Variants in CHD9 observed in about 807,000 individuals in gnomAD.
CHD9 encodes chromodomain helicase DNA binding protein 9.
Under a neutral mutation model 316.1 loss-of-function variants are expected in CHD9, and 77 were observed. That is an observed-to-expected ratio of 0.24 (90% CI 0.20 to 0.29). CHD9 has a LOEUF of 0.29. CHD9 is among the 10% of genes least tolerant of loss of function. The pLI is 1.00. For synonymous variants in CHD9, 1,129 were observed against 1,158.3 expected (o/e 0.97, Z 0.51); for missense variants, 2,763 against 3,438.1 (o/e 0.80, Z 4.91).
chr16:53,310,111 T>C (rs1465042709), intron 34 of CHD9, among the ~76,000 whole-genome samples: 1 of 152,242 alleles, frequency 6.6e-6, no homozygotes, highest in Non-Finnish European at 1.5e-5. Context: ...TAAATTAGTT[T>C]AGCTTCATCA....
At chr16:53,262,821 T>G (rs762985828) in intron 19 of CHD9, among the ~76,000 whole-genome samples, 166 bp from the exon 20 acceptor site, 1 of 152,212 alleles carries the variant, frequency 6.6e-6, no homozygotes, top group Non-Finnish European at 1.5e-5. Context: ...CATTAAGCCT[T>G]TGCCTTAAGC....
intron 20 of CHD9, among the ~76,000 whole-genome samples, chr16:53,265,713 A>G (rs2051595608): frequency 6.6e-6 from 1 of 152,106 alleles, no homozygotes; most frequent in South Asian, 2.1e-4. Context: ...ATTTCTTTTC[A>G]CAAATATTTG....
chr16:53,293,111 G>A (rs918575564), intron 29 of CHD9, 59 bp downstream of exon 29: 61 of 1,409,666 alleles, frequency 4.3e-5, no homozygotes, highest in Non-Finnish European at 1.2e-5. Context: ...TCATTCTAAA[G>A]CCTGTCTGGG....
At chr16:53,183,271 A>G (rs2043685279) in intron 2 of CHD9, among the ~76,000 whole-genome samples, 2 of 152,200 alleles carry the variant, frequency 1.3e-5, no homozygotes, top group Non-Finnish European at 1.5e-5. Flanking sequence ...ATGGATAACC[A>G]TTGAAAACCT....
rs1414708552 is a variant in CHD9 at position 53,327,165 on chromosome 16, T to C, written c.*2270T>C. The C allele has an allele frequency of 6.6e-6, 1 of 152,310 alleles. No individual in the cohort carries two copies. The highest frequency in any genetic ancestry group is 1.5e-5 in the Non-Finnish European group (1 of 67,912). The allele number at this position is 152,310 out of a possible 1,614,324, so 9.4% of individuals were successfully genotyped here. On this transcript the variant is annotated 3_prime_UTR_variant, in exon 39 of 39. Transcript: ENST00000447540. ...TATGGTTGTGTAAAGTTAAGGGTTA[T>C]AAGGAAAAAAAAATCAGTAGAATTA...
chr16:53,143,283 A>G (rs2040266197), intron 1 of CHD9, among the ~76,000 whole-genome samples: 1 of 152,076 alleles, frequency 6.6e-6, no homozygotes, highest in Non-Finnish European at 1.5e-5. Flanking sequence ...AGAGTAGTAT[A>G]CATGTGGAAT....
chr16:53,148,090 C>G (rs1486871361), intron 1 of CHD9, among the ~76,000 whole-genome samples: 1 of 151,804 alleles, frequency 6.6e-6, no homozygotes, highest in Non-Finnish European at 1.5e-5. Context: ...GCCTGTAAGC[C>G]CAGCTACTCG....
intron 1 of CHD9, among the ~76,000 whole-genome samples, chr16:53,119,661 C>T (rs909300642): frequency 6.6e-6 from 1 of 152,090 alleles, no homozygotes; most frequent in Non-Finnish European, 1.5e-5. Context: ...GGTGAAATCT[C>T]GTCTCTACTA....
At chr16:53,165,100 T>A (rs1176506839) in intron 2 of CHD9, among the ~76,000 whole-genome samples, 1 of 152,192 alleles carries the variant, frequency 6.6e-6, no homozygotes, top group Non-Finnish European at 1.5e-5. Context: ...AAAAGCAGAC[T>A]GTCATTTAAT....
chr16:53,323,559 C>CA lies in CHD9; in HGVS notation c.7819-458dup, dbSNP rs1396271894. On this transcript the variant is annotated intron_variant, in intron 38 of 38. Transcript: ENST00000447540. ...AGCATGGCTCTATCTCCTTTATTCC[C>CA]AAAGTGACAGTAAAATAATTCATAT... 3.3e-5 allele frequency among the ~76,000 whole-genome samples: 5 copies of CA among 152,284 alleles called. No homozygotes were observed. The East Asian group carries it at 7.7e-4, about 24-fold the overall frequency.
intron 2 of CHD9, among the ~76,000 whole-genome samples, chr16:53,172,482 AT>A (rs1410455133): frequency 6.6e-6 from 1 of 152,356 alleles, no homozygotes; most frequent in East Asian, 1.9e-4. Context: ...CACTATGAAC[AT>A]TTTTATGTAG....
intron 1 of CHD9, among the ~76,000 whole-genome samples, chr16:53,080,832 G>C (rs1325516620): frequency 6.6e-6 from 1 of 152,048 alleles, no homozygotes; most frequent in African/African-American, 2.4e-5. Context: ...CAGACATTCA[G>C]TCATCAGCTT....
At chr16:53,221,749 CAGATA>C (rs1481661896) in intron 3 of CHD9, among the ~76,000 whole-genome samples, 1 of 152,030 alleles carries the variant, frequency 6.6e-6, no homozygotes, top group Non-Finnish European at 1.5e-5. Context: ...ACATACAGTA[CAGATA>C]AGATAAGCCT....
intron 25 of CHD9, among the ~76,000 whole-genome samples, 184 bp from the exon 26 acceptor site, chr16:53,286,042 A>G (rs771248738): frequency 2.0e-5 from 3 of 152,246 alleles, no homozygotes; most frequent in Non-Finnish European, 2.9e-5. Context: ...ACTTTAGTAG[A>G]TATCTATTAC....
intron 32 of CHD9, 92 bp downstream of exon 32, chr16:53,306,489 G>A: frequency 9.3e-7 from 1 of 1,074,286 alleles, no homozygotes; most frequent in East Asian, 3.0e-5. Flanking sequence ...TGGAAACATA[G>A]GTCAGCGTAA....
rs747140105 is a variant in CHD9, at chr16:53,324,380, A to G, written c.8179A>G (p.Met2727Val). Residue 2727 changes from methionine (M) to valine (V), a missense_variant, in exon 39 of 39, where the codon ATG becomes GTG. Transcript: ENST00000447540. ...GMAGLPNLLGMGGLLTKPTES... is the reference protein window; with the variant it reads ...GMAGLPNLLGVGGLLTKPTES... ...GGCTGGATTACCAAATCTGTTGGGC[A>G]TGGGAGGACTCCTGACAAAGCCTAC... 3 of 1,613,892 alleles carry G rather than the reference A, an allele frequency of 1.9e-6. No individual in the cohort carries two copies. The highest frequency in any genetic ancestry group is 2.7e-5 in the African/African-American group (2 of 74,922).
chr16:53,065,760 A>G (rs1041561307), intron 1 of CHD9, among the ~76,000 whole-genome samples: 1 of 152,020 alleles, frequency 6.6e-6, no homozygotes, highest in Non-Finnish European at 1.5e-5. Flanking sequence ...GTGGAAGACA[A>G]TGACTCTCAA....
intron 1 of CHD9, among the ~76,000 whole-genome samples, chr16:53,118,908 T>G (rs1364836459): frequency 2.0e-5 from 3 of 149,910 alleles, no homozygotes; most frequent in African/African-American, 7.3e-5. Context: ...TTCTCCTGCC[T>G]CACCCTCCCG....
intron 19 of CHD9, among the ~76,000 whole-genome samples, chr16:53,260,902 C>G (rs1308106583): frequency 6.6e-6 from 1 of 152,094 alleles, no homozygotes; most frequent in Non-Finnish European, 1.5e-5. Context: ...CAAGGTATCT[C>G]TCTATTTCAA....
Sources: gnomAD v4.1 joint callset for allele counts (sites outside exome capture counted in the v4.1 genomes callset) on GRCh38, gnomAD v4.1.1 for gene constraint, MANE v1.5 for transcripts, NCBI Gene and HGNC (gene_info 2026-07-23, HGNC 2026-07-21) for gene names.